The following OR1C1 variants were observed in gnomAD, a reference collection of about 807,000 sequenced individuals.
OR1C1 encodes olfactory receptor 1C1.
For synonymous variants in OR1C1, 153 were observed against 154.6 expected, an observed-to-expected ratio of 0.99 and a Z score of 0.08; for missense variants, 407 against 384.3, an observed-to-expected ratio of 1.06 and a Z score of -0.49.
At position 247,755,708 on chromosome 1, in the gene OR1C1, G is replaced by A. The variant is rs1661198739; in HGVS notation, c.*1754C>T. The stretch of plus-strand genomic sequence containing the variant: ...AAAGAATCTTTCTTCACTATCGGTG[G>A]GAATGTAGATTAGTATAGCCCTTAT... On this transcript the variant is annotated 3_prime_UTR_variant, in exon 2 of 2. Coordinates refer to ENST00000641256, the MANE Select transcript of OR1C1 (RefSeq NM_012353.3). 5 of 152,132 alleles carry A rather than the reference G, an allele frequency of 3.3e-5. No individual in the cohort carries two copies. The highest frequency in any genetic ancestry group is 1.2e-4 in the African/African-American group (5 of 41,510). The allele number at this position is 152,132 out of a possible 1,614,324, so 9.4% of individuals were successfully genotyped here.
Position 247,756,981 on chromosome 1 carries a change from A to G in OR1C1, c.*481T>C. Reference sequence around the variant, plus strand: ...GAGAGGGGATTGGAGGAAAGCATACATACTTTAAAACTTGAATAAATTATT... The same window carrying G: ...GAGAGGGGATTGGAGGAAAGCATACGTACTTTAAAACTTGAATAAATTATT... On this transcript the variant is annotated 3_prime_UTR_variant, in exon 2 of 2. Coordinates refer to ENST00000641256, the MANE Select transcript of OR1C1 (RefSeq NM_012353.3). This position sits in a 1 kb window ranked among gnomAD's most constrained non-coding sequence, Gnocchi z 4.3. The G allele has an allele frequency of 6.4e-6, 1 of 156,132 alleles. No individual in the cohort carries two copies. Among genetic ancestry groups the G allele is most frequent in the East Asian group, 1.9e-4 (1 of 5,298 alleles). The allele number at this position is 156,132 out of a possible 1,614,324, so 9.7% of individuals were successfully genotyped here.
rs1661211470 is a variant in OR1C1 at position 247,756,390 on chromosome 1, G to C, written c.*1072C>G. 2 of 151,978 alleles carry C rather than the reference G, an allele frequency of 1.3e-5. No homozygotes were observed. The highest frequency in any genetic ancestry group is 6.6e-5 in the Admixed American group (1 of 15,246). 9.4% of individuals were successfully genotyped at this position (151,978 alleles called of 1,614,324 possible). A position where few individuals can be genotyped will look rare whatever the true frequency, so the allele number is the denominator to read the frequency against. ...AATTTTCTTATGTATGTATGTATTT[G>C]GTCTTCCTTGAGAAAGGGTGCACGT... is the stretch of plus-strand genomic sequence containing the variant. On this transcript the variant is annotated 3_prime_UTR_variant, in exon 2 of 2. Coordinates refer to ENST00000641256, the MANE Select transcript of OR1C1 (RefSeq NM_012353.3). This position sits in a 1 kb window ranked among gnomAD's most constrained non-coding sequence, Gnocchi z 4.3.
chr1:247,757,378 T>G lies in OR1C1; in HGVS notation c.*84A>C. The G allele has an allele frequency of 9.6e-7, 1 of 1,046,438 alleles. No homozygotes were observed. The highest frequency in any genetic ancestry group is 1.4e-6 in the Non-Finnish European group (1 of 709,226). The allele number at this position is 1,046,438 out of a possible 1,614,324, so 64.8% of individuals were successfully genotyped here. On this transcript the variant is annotated 3_prime_UTR_variant, in exon 2 of 2. Coordinates refer to ENST00000641256, the MANE Select transcript of OR1C1 (RefSeq NM_012353.3). ...AAGGGAGACATTTAATAGCAGTTGG[T>G]TTCTCTTCTCACTGTTATTGTGAGC...
chr1:247,757,422 A>T lies in OR1C1; in HGVS notation c.*40T>A, dbSNP rs1219440423. 4 of 1,466,336 alleles carry T rather than the reference A, an allele frequency of 2.7e-6. No homozygotes were observed. Among genetic ancestry groups the T allele is most frequent in the Admixed American group, 1.8e-5 (1 of 55,862 alleles). 90.8% of individuals were successfully genotyped at this position (1,466,336 alleles called of 1,614,324 possible). A position where few individuals can be genotyped will look rare whatever the true frequency, so the allele number is the denominator to read the frequency against. ...TGTGAGCATCTAGTCACACTTTCTT[A>T]TCACCACATTAGTATTATTTAATTC... On this transcript the variant is annotated 3_prime_UTR_variant, in exon 2 of 2. Transcript: ENST00000641256.
In OR1C1 at chr1:247,757,206, CTA is replaced by C. The variant is rs35325984; in HGVS notation, c.*254_*255del. On this transcript the variant is annotated 3_prime_UTR_variant, in exon 2 of 2. Transcript: ENST00000641256. Reference sequence around the variant, plus strand: ...GGTATATTTGTACTGGAGTCAGAAACTATTTATCAGCTATGGGTTGTATGCAG... The same window carrying C: ...GGTATATTTGTACTGGAGTCAGAAACTTTATCAGCTATGGGTTGTATGCAG... 0.89 allele frequency: 305,646 copies of C among 342,056 alleles called. 139,096 individuals are homozygous for C. The highest frequency in any genetic ancestry group is 0.98 in the East Asian group (20,758 of 21,232). 21.2% of individuals were successfully genotyped at this position (342,056 alleles called of 1,614,324 possible).
chr1:247,758,744 A>G, intron 1 of OR1C1: 1 of 209,988 alleles, frequency 4.8e-6, no homozygotes, highest in Admixed American at 5.1e-5. Context: ...CACAAAATTC[A>G]TATCGACTTT....
intron 1 of OR1C1, among the ~76,000 whole-genome samples, chr1:247,760,147 A>G (rs1438811887): frequency 6.6e-6 from 1 of 152,218 alleles, no homozygotes; most frequent in Non-Finnish European, 1.5e-5. Flanking sequence ...GCTTATGGAA[A>G]CAACAAATGA....
rs1661230041 is a variant in OR1C1 at position 247,757,472 on chromosome 1, TGAAA to T, written c.931_934del (p.Phe311SerfsTer9). The T allele has an allele frequency of 6.2e-7, 1 of 1,612,242 alleles. No individual in the cohort carries two copies. ...CAGTCACTGAGGTCATTATTGCTGC[TGAAA>T]GACTGTGCACTTGAGAAGCATTTTC... On this transcript the variant is annotated frameshift_variant, in exon 2 of 2. Coordinates refer to ENST00000641256, the MANE Select transcript of OR1C1 (RefSeq NM_012353.3). LOFTEE classifies it high-confidence loss of function.
intron 1 of OR1C1, among the ~76,000 whole-genome samples, chr1:247,759,602 G>C (rs1304346970): frequency 1.3e-5 from 2 of 152,072 alleles, no homozygotes; most frequent in Non-Finnish European, 2.9e-5. Context: ...GTATGACAAG[G>C]ATCCTAATGA....
intron 1 of OR1C1, among the ~76,000 whole-genome samples, chr1:247,760,036 G>T (rs541099857): frequency 6.6e-6 from 1 of 152,062 alleles, no homozygotes; most frequent in Non-Finnish European, 1.5e-5. Context: ...CTTCATTGTA[G>T]TTAGTGAAAT....
At chr1:247,759,334 G>A (rs1661289974) in intron 1 of OR1C1, among the ~76,000 whole-genome samples, 1 of 151,962 alleles carries the variant, frequency 6.6e-6, no homozygotes, top group Admixed American at 6.6e-5. Context: ...TGATCCAGGT[G>A]CTGTGCACAA....
At chr1:247,758,858 A>C (rs1372455715) in intron 1 of OR1C1, among the ~76,000 whole-genome samples, 1 of 152,182 alleles carries the variant, frequency 6.6e-6, no homozygotes, top group African/African-American at 2.4e-5. Context: ...TCTGATGCTT[A>C]TACTTATGAT....
chr1:247,758,280 T>G lies in OR1C1; in HGVS notation c.127A>C (p.Met43Leu). 11 of 1,613,994 alleles carry G rather than the reference T, an allele frequency of 6.8e-6. No homozygotes were observed. The highest frequency in any genetic ancestry group is 9.3e-6 in the Non-Finnish European group (11 of 1,179,962). Reference protein sequence around the residue: ...CMYLATTLGNMLIIATIGFDS... With the variant: ...CMYLATTLGNLLIIATIGFDS... ...AAGCCAATCGTCGCAATGATGAGCA[T>G]GTTCCCCAAGGTGGTGGCTAAATAC... Residue 43 changes from methionine (M) to leucine (L), a missense_variant, in exon 2 of 2, where the codon ATG (methionine) becomes CTG (leucine). Coordinates refer to ENST00000641256, the MANE Select transcript of OR1C1 (RefSeq NM_012353.3).
chr1:247,758,364 G>A lies in OR1C1; in HGVS notation c.43C>T (p.Leu15=). 6.2e-7 allele frequency: 1 copy of A among 1,613,118 alleles called. No individual in the cohort carries two copies. Among genetic ancestry groups the A allele is most frequent in the South Asian group, 1.1e-5 (1 of 90,984 alleles). Residue 15 remains leucine, a synonymous_variant, in exon 2 of 2, where the codon CTG becomes TTG. Transcript: ENST00000641256. ...TGCTCTGCTGAGCTAGGAAGTCCCA[G>A]AAGGACGAATTCCCTGACAACTGTT... ...NLTVVREFVL[L]GLPSSAEQQH...
At chr1:247,760,156 G>A (rs1661305057) in intron 1 of OR1C1, among the ~76,000 whole-genome samples, 2 of 152,106 alleles carry the variant, frequency 1.3e-5, no homozygotes, top group Non-Finnish European at 2.9e-5. Flanking sequence ...AACAACAAAT[G>A]AATGAAAAAT....
rs1310301295 is a variant in OR1C1, at chr1:247,757,789, C to T, written c.618G>A (p.Leu206=). The T allele has an allele frequency of 2.5e-6, 4 of 1,613,874 alleles. No homozygotes were observed. Among genetic ancestry groups the T allele is most frequent in the Admixed American group, 3.3e-5 (2 of 59,972 alleles). The change falls in exon 2 of 2, where the codon TTG becomes TTA. Residue 206 remains leucine, a synonymous_variant. Coordinates refer to ENST00000641256, the MANE Select transcript of OR1C1 (RefSeq NM_012353.3). ...GGATACAGACAAGGGGCGTGAGAGC[C>T]AATAGACCTCCTACTGCAAAAATGA... is the stretch of plus-strand genomic sequence containing the variant. ...VMIIFAVGGL[L]ALTPLVCILV...
chr1:247,758,004 T>C lies in OR1C1; in HGVS notation c.403A>G (p.Arg135Gly), dbSNP rs778000689. 6 of 1,614,120 alleles carry C rather than the reference T, an allele frequency of 3.7e-6. No homozygotes were observed. The highest frequency in any genetic ancestry group is 5.1e-6 in the Non-Finnish European group (6 of 1,180,010). The change falls in exon 2 of 2, where the codon AGA (arginine) becomes GGA (glycine). Residue 135 changes from arginine to glycine, a missense_variant. Coordinates refer to ENST00000641256, the MANE Select transcript of OR1C1 (RefSeq NM_012353.3). Reference protein sequence around the residue: ...AICHPLHYTARMNLCLCVQLV... With the variant: ...AICHPLHYTAGMNLCLCVQLV... ...TGGACACAAAGGCACAGGTTCATTC[T>C]GGCGGTGTAATGTAAGGGGTGGCAA...
In OR1C1 at chr1:247,757,886, A is replaced by G. The variant is rs1425068953; in HGVS notation, c.521T>C (p.Ile174Thr). ...AQLSFCASNI[I>T]HHFFCDLNPL... ...ATTGAGATCACAGAAGAAATGATGG[A>G]TGATATTGGAGGCACAGAAGGACAG... Residue 174 changes from isoleucine (I) to threonine (T), a missense_variant, in exon 2 of 2, where the codon ATC (isoleucine) becomes ACC (threonine). By Grantham distance (89) the Ile-to-Thr change is moderately conservative. Transcript: ENST00000641256. The G allele has an allele frequency of 6.2e-7, 1 of 1,614,034 alleles. No homozygotes were observed. The highest frequency in any genetic ancestry group is 1.1e-5 in the South Asian group (1 of 91,062).
At chr1:247,758,906 G>A (rs1417187992) in intron 1 of OR1C1, among the ~76,000 whole-genome samples, 2 of 151,904 alleles carry the variant, frequency 1.3e-5, no homozygotes, top group African/African-American at 4.8e-5. Flanking sequence ...TTCTTTTAAC[G>A]TATTTGGTCA....
Sources: allele counts gnomAD v4.1 joint callset (sites outside exome capture counted in the v4.1 genomes callset), GRCh38; gene constraint gnomAD v4.1.1; non-coding constraint Gnocchi (gnomAD v3.1); transcripts MANE v1.5; gene names NCBI Gene and HGNC (gene_info 2026-07-23, HGNC 2026-07-21).